Variants in KSR2 observed in about 807,000 individuals in gnomAD.
KSR2 encodes the protein kinase suppressor of ras 2.
KSR2 carries 25 observed loss-of-function variants against 107.8 expected under a neutral mutation model. The ratio of observed to expected loss-of-function variants is 0.23; its 90% CI spans 0.17 to 0.32. The LOEUF (loss-of-function observed/expected upper bound fraction) is 0.32, where lower values mean the gene tolerates loss of function less well. KSR2 is among the 10% of genes least tolerant of loss of function. KSR2 has a pLI of 1.00. For missense variants in KSR2, 887 were observed against 1,268.9 expected (o/e 0.70, Z 4.57); for synonymous variants, 480 against 507.0 (o/e 0.95, Z 0.71).
At chr12:117,853,826 G>A (rs1337612342) in intron 3 of KSR2, among the ~76,000 whole-genome samples, 1 of 152,138 alleles carries the variant, frequency 6.6e-6, no homozygotes, top group Non-Finnish European at 1.5e-5. Context: ...GACCTTTACA[G>A]CTCGTCAGCC....
intron 4 of KSR2, among the ~76,000 whole-genome samples, chr12:117,733,646 C>T (rs1482139811): frequency 6.6e-6 from 1 of 152,130 alleles, no homozygotes; most frequent in Non-Finnish European, 1.5e-5. Context: ...TTTGCCAGCC[C>T]CTGTCACAGA....
At chr12:117,779,132 G>A (rs1889793453) in intron 3 of KSR2, among the ~76,000 whole-genome samples, 1 of 152,168 alleles carries the variant, frequency 6.6e-6, no homozygotes, top group Non-Finnish European at 1.5e-5. Context: ...AATTTGCTCA[G>A]GTTATCCACA....
chr12:117,641,159 G>A (rs137996436), intron 5 of KSR2, among the ~76,000 whole-genome samples: 124 of 152,276 alleles, frequency 8.1e-4, no homozygotes, highest in African/African-American at 2.7e-3. Context: ...GTGCAGTGGT[G>A]CAATCTTGGC....
chr12:117,597,369 A>G (rs1365976066), intron 5 of KSR2, among the ~76,000 whole-genome samples: 3 of 152,224 alleles, frequency 2.0e-5, no homozygotes, highest in Non-Finnish European at 4.4e-5. Flanking sequence ...GACTTTGAAG[A>G]TGTGATTACA....
chr12:117,493,458 C>A (rs1401371453), intron 14 of KSR2, among the ~76,000 whole-genome samples: 1 of 152,148 alleles, frequency 6.6e-6, no homozygotes, highest in Admixed American at 6.5e-5. Flanking sequence ...TCCAATCACA[C>A]CAGCCCATCT....
intron 2 of KSR2, among the ~76,000 whole-genome samples, 197 bp from the exon 3 acceptor site, chr12:117,855,775 T>G (rs142907455): frequency 6.4e-4 from 97 of 152,248 alleles, no homozygotes; most frequent in African/African-American, 2.3e-3. Context: ...TGGGCCTCAC[T>G]TTGCTCATCT....
intron 16 of KSR2, among the ~76,000 whole-genome samples, chr12:117,480,987 C>G (rs768097796): frequency 3.3e-5 from 5 of 151,884 alleles, no homozygotes; most frequent in African/African-American, 9.7e-5. Context: ...GCTTGAGCCT[C>G]GGAGGTTGAA....
intron 3 of KSR2, among the ~76,000 whole-genome samples, chr12:117,837,489 G>A (rs1892271207): frequency 6.6e-6 from 1 of 152,136 alleles, no homozygotes; most frequent in Admixed American, 6.5e-5. Context: ...AAAACACTGG[G>A]AGGAAAAGGC....
rs1870769407 is a variant in KSR2 at position 117,459,129 on chromosome 12, A to G, written c.*8070T>C. On this transcript the variant is annotated 3_prime_UTR_variant, in exon 20 of 20. Transcript: ENST00000339824. ...GGCAGATTACCGAGTAGGATCATACACAGAGTCTTAGAGACAGAATCTTTC... is the reference window on the plus strand; with the variant it reads ...GGCAGATTACCGAGTAGGATCATACGCAGAGTCTTAGAGACAGAATCTTTC... The G allele has an allele frequency of 6.6e-6, 1 of 152,222 alleles. No homozygotes were observed. Among genetic ancestry groups the G allele is most frequent in the Non-Finnish European group, 1.5e-5 (1 of 68,058 alleles). 9.4% of individuals were successfully genotyped at this position (152,222 alleles called of 1,614,324 possible).
intron 1 of KSR2, among the ~76,000 whole-genome samples, chr12:117,883,373 T>C (rs866479684): frequency 1.5e-4 from 23 of 152,328 alleles, no homozygotes; most frequent in Middle Eastern, 3.4e-3. Context: ...GCCTGGCACA[T>C]AGTAGATGAC....
chr12:117,567,389 T>C (rs1297457007), intron 7 of KSR2, among the ~76,000 whole-genome samples: 1 of 151,842 alleles, frequency 6.6e-6, no homozygotes, highest in Non-Finnish European at 1.5e-5. Context: ...GCTCTGGGCA[T>C]GAAGAGGGGA....
chr12:117,891,168 C>T (rs1313051189), intron 1 of KSR2, among the ~76,000 whole-genome samples: 1 of 152,182 alleles, frequency 6.6e-6, no homozygotes, highest in African/African-American at 2.4e-5. Context: ...GTAATCCCAA[C>T]ACTTTGGGAG....
At chr12:117,730,164 G>T (rs968439485) in intron 4 of KSR2, among the ~76,000 whole-genome samples, 1 of 152,114 alleles carries the variant, frequency 6.6e-6, no homozygotes, top group African/African-American at 2.4e-5. Context: ...AAAAACAGGT[G>T]GTGGGCAAGA....
intron 1 of KSR2, among the ~76,000 whole-genome samples, chr12:117,885,222 C>T (rs78649913): frequency 2.0e-5 from 3 of 152,234 alleles, no homozygotes; most frequent in African/African-American, 4.8e-5. Context: ...CAGGTCTTTC[C>T]GATAGAGATC....
At position 117,726,479 on chromosome 12, in the gene KSR2, G is replaced by A. The variant is rs112772438; in HGVS notation, c.986+34532C>T. On this transcript the variant is annotated intron_variant, in intron 4 of 19. Transcript: ENST00000339824. Reference sequence around the variant, plus strand: ...TTTCCAGCTGGATAACCCATTACTGGGGCCTGGGAATGGGGGCTGCCCTGT... The same window carrying A: ...TTTCCAGCTGGATAACCCATTACTGAGGCCTGGGAATGGGGGCTGCCCTGT... Among the ~76,000 whole-genome samples, 1,439 of 152,276 alleles carry A rather than the reference G, an allele frequency of 9.4e-3. 18 individuals carry two copies. The highest frequency in any genetic ancestry group is 0.031 in the African/African-American group (1,270 of 41,550).
chr12:117,514,077 T>C (rs148121466), intron 14 of KSR2, among the ~76,000 whole-genome samples: 58 of 152,374 alleles, frequency 3.8e-4, no homozygotes, highest in African/African-American at 1.4e-3. Context: ...CTTTGCTTTC[T>C]GGAACACATG....
Position 117,786,721 on chromosome 12 carries a change from C to T in KSR2, c.473-25197G>A, listed in dbSNP as rs376339807. On this transcript the variant is annotated intron_variant, in intron 3 of 19. Transcript: ENST00000339824. ...ATCCCAGTTACTCAGGAGGCTGAGG[C>T]AGGAGAATCACATGCACCCAGGAAG... 4.9e-4 allele frequency among the ~76,000 whole-genome samples: 74 copies of T among 152,268 alleles called. 1 individual carries two copies. In the South Asian group the frequency reaches 0.013, roughly 28 times the overall value.
intron 12 of KSR2, among the ~76,000 whole-genome samples, chr12:117,529,734 G>A (rs1197268659): frequency 1.3e-5 from 2 of 151,350 alleles, no homozygotes; most frequent in Non-Finnish European, 2.9e-5. Context: ...CAGGTGCAGT[G>A]GCTCATGCCT....
chr12:117,847,281 C>A (rs566106069), intron 3 of KSR2, among the ~76,000 whole-genome samples: 5 of 152,226 alleles, frequency 3.3e-5, no homozygotes, highest in Admixed American at 6.5e-5. Context: ...CGGTGGCAGG[C>A]GGCATTCTGG....
Sources: allele counts gnomAD v4.1 joint callset (sites outside exome capture counted in the v4.1 genomes callset), GRCh38; gene constraint gnomAD v4.1.1; transcripts MANE v1.5; gene names NCBI Gene and HGNC (gene_info 2026-07-23, HGNC 2026-07-21).